The following HAO1 variants were observed in gnomAD, a reference collection of about 807,000 sequenced individuals.
HAO1 encodes the protein 2-Hydroxyacid oxidase 1.
A neutral mutation model predicts 39.7 loss-of-function variants in HAO1; 34 were observed. The observed-to-expected ratio is 0.86, with a 90% CI of 0.65 to 1.14. The LOEUF (loss-of-function observed/expected upper bound fraction) is 1.14. Ranked by LOEUF, HAO1 falls within the 50% of genes most tolerant of loss-of-function variation. The pLI is 0.00. For synonymous variants in HAO1, 172 were observed against 173.2 expected (o/e 0.99, Z 0.05); for missense variants, 479 against 464.5 (o/e 1.03, Z -0.29).
chr20:7,921,581 G>C (rs975637471), intron 2 of HAO1, among the ~76,000 whole-genome samples: 3 of 152,058 alleles, frequency 2.0e-5, no homozygotes, highest in African/African-American at 7.2e-5. Flanking sequence ...TCTACCATTC[G>C]ATCCAGCAAT....
At chr20:7,925,285 G>C (rs886189281) in intron 2 of HAO1, among the ~76,000 whole-genome samples, 2 of 152,110 alleles carry the variant, frequency 1.3e-5, no homozygotes, top group African/African-American at 4.8e-5. Flanking sequence ...TGCCAAGAAA[G>C]ACCAAGAAAC....
rs1445280529 is a variant in HAO1 at position 7,899,793 on chromosome 20, T to C, written c.722-4569A>G. Among the ~76,000 whole-genome samples the C allele has an allele frequency of 2.6e-5, 4 of 152,194 alleles. No individual in the cohort carries two copies. The East Asian group carries it at 5.8e-4, about 22-fold the overall frequency. Reference sequence around the variant, plus strand: ...ATGAAAGGGCCAAAATATTCCCACTTAGCAAAATGTTCATGAATCTTGGAT... The same window carrying C: ...ATGAAAGGGCCAAAATATTCCCACTCAGCAAAATGTTCATGAATCTTGGAT... On this transcript the variant is annotated intron_variant, in intron 4 of 7. Coordinates refer to ENST00000378789, the MANE Select transcript of HAO1 (RefSeq NM_017545.3).
At chr20:7,915,000 G>C (rs1600114856) in intron 2 of HAO1, among the ~76,000 whole-genome samples, 1 of 152,066 alleles carries the variant, frequency 6.6e-6, no homozygotes, top group Non-Finnish European at 1.5e-5. Context: ...GGCGCCTGTA[G>C]TCCCAGCTAC....
chr20:7,892,189 A>T (rs1415340715), intron 5 of HAO1, among the ~76,000 whole-genome samples: 1 of 152,028 alleles, frequency 6.6e-6, no homozygotes, highest in Non-Finnish European at 1.5e-5. Flanking sequence ...TGGTTCAAGC[A>T]ATTCTCCTGC....
At chr20:7,909,194 C>G (rs1283334690) in intron 3 of HAO1, among the ~76,000 whole-genome samples, 3 of 151,738 alleles carry the variant, frequency 2.0e-5, no homozygotes, top group East Asian at 3.9e-4. Context: ...TGTTGCCTTA[C>G]AGAAATTTCA....
intron 2 of HAO1, among the ~76,000 whole-genome samples, chr20:7,922,602 A>G (rs1360071634): frequency 6.6e-6 from 1 of 152,088 alleles, no homozygotes; most frequent in Admixed American, 6.6e-5. Context: ...CAAGGTACAC[A>G]TTACTTTGGA....
At chr20:7,933,778 C>T (rs913755553) in intron 2 of HAO1, among the ~76,000 whole-genome samples, 9 of 152,172 alleles carry the variant, frequency 5.9e-5, no homozygotes, top group African/African-American at 2.2e-4. Context: ...TTACTCTGCA[C>T]AGCCTTTCAA....
chr20:7,934,500 C>T lies in HAO1; in HGVS notation c.273G>A (p.Glu91=). 1 of 1,610,420 alleles carries T rather than the reference C, an allele frequency of 6.2e-7. No homozygotes were observed. Among genetic ancestry groups the T allele is most frequent in the Non-Finnish European group, 8.5e-7 (1 of 1,178,806 alleles). ...AMQRMAHVDG[E]LATVRACQSL... ...TCCTCCTACCTCTCACAGTGGCAAG[C>T]TCGCCGTCCACATGAGCCATGCGCT... is the stretch of plus-strand genomic sequence containing the variant. Residue 91 remains glutamate, a synonymous_variant, in exon 2 of 8, where the codon GAG becomes GAA. Transcript: ENST00000378789.
At chr20:7,914,992 C>A (rs924722145) in intron 2 of HAO1, among the ~76,000 whole-genome samples, 1 of 152,022 alleles carries the variant, frequency 6.6e-6, no homozygotes, top group Admixed American at 6.6e-5. Flanking sequence ...TGGTCATGGG[C>A]GCCTGTAGTC....
chr20:7,934,385 G>A, intron 2 of HAO1, 99 bp downstream of exon 2: 5 of 848,728 alleles, frequency 5.9e-6, no homozygotes, highest in Non-Finnish European at 9.0e-6. Context: ...GTTTCTGAGT[G>A]TAAAAACATC....
chr20:7,918,562 A>G (rs2050317285), intron 2 of HAO1, among the ~76,000 whole-genome samples: 3 of 152,194 alleles, frequency 2.0e-5, no homozygotes, highest in African/African-American at 7.2e-5. Flanking sequence ...TTTCTCCCCA[A>G]GGAATCCCCA....
intron 1 of HAO1, 72 bp from the exon 2 acceptor site, chr20:7,934,707 A>G (rs552020343): frequency 1.1e-6 from 1 of 892,620 alleles, no homozygotes; most frequent in South Asian, 2.6e-5. Context: ...TTGACATTAC[A>G]TTTTAGTTAA....
chr20:7,883,552 G>A lies in HAO1; in HGVS notation c.*41C>T. The A allele has an allele frequency of 6.8e-7, 1 of 1,465,292 alleles. No homozygotes were observed. Among genetic ancestry groups the A allele is most frequent in the Non-Finnish European group, 9.6e-7 (1 of 1,044,186 alleles). 90.8% of individuals were successfully genotyped at this position (1,465,292 alleles called of 1,614,324 possible). On this transcript the variant is annotated 3_prime_UTR_variant, in exon 8 of 8. Transcript: ENST00000378789. ...AGTGTCTCTTTGTCAAGTAATACAT[G>A]CTGAAAAAAAATAATACAGATGGGA...
rs141825451 is a variant in HAO1 at position 7,914,080 on chromosome 20, G to A, written c.545+84C>T. On this transcript the variant is annotated intron_variant, in intron 3 of 7. Coordinates refer to ENST00000378789, the MANE Select transcript of HAO1 (RefSeq NM_017545.3). ...GAAGATTAACTAGATGTTTAGCAAC[G>A]TTGCTATCAGTAGAACCCAGACCCT... is the stretch of plus-strand genomic sequence containing the variant. 10,263 of 1,435,082 alleles carry A rather than the reference G, an allele frequency of 7.2e-3. 46 individuals are homozygous for A. Among genetic ancestry groups the A allele is most frequent in the Non-Finnish European group, 8.0e-3 (8,279 of 1,030,460 alleles). The allele number at this position is 1,435,082 out of a possible 1,614,324, so 88.9% of individuals were successfully genotyped here. A position where few individuals can be genotyped will look rare whatever the true frequency, so the allele number is the denominator to read the frequency against.
chr20:7,915,743 T>C (rs975263868), intron 2 of HAO1, among the ~76,000 whole-genome samples: 3 of 151,986 alleles, frequency 2.0e-5, no homozygotes, highest in African/African-American at 7.3e-5. Flanking sequence ...CATAGAAAAA[T>C]GTTTATGATA....
At chr20:7,886,574 A>G (rs2050152178) in intron 5 of HAO1, among the ~76,000 whole-genome samples, 1 of 152,236 alleles carries the variant, frequency 6.6e-6, no homozygotes, top group South Asian at 2.1e-4. Context: ...ATGCAAACAC[A>G]ACTAATAATA....
intron 2 of HAO1, among the ~76,000 whole-genome samples, chr20:7,924,620 A>G (rs531099519): frequency 3.9e-5 from 6 of 152,274 alleles, no homozygotes; most frequent in Admixed American, 6.6e-5. Context: ...GGGACTAATC[A>G]TATACCTAGA....
intron 4 of HAO1, among the ~76,000 whole-genome samples, chr20:7,903,797 T>C (rs1228415090): frequency 7.0e-6 from 1 of 143,262 alleles, no homozygotes; most frequent in Non-Finnish European, 1.5e-5. Context: ...GTGATGGTGA[T>C]AGCAGTGGTG....
intron 5 of HAO1, 34 bp from the exon 6 acceptor site, chr20:7,885,898 T>C (rs749695085): frequency 3.2e-6 from 5 of 1,577,728 alleles, no homozygotes; most frequent in Non-Finnish European, 4.4e-6. Flanking sequence ...TGTGACTCTA[T>C]TAACACTGAA....
Sources: gnomAD v4.1 joint callset for allele counts (sites outside exome capture counted in the v4.1 genomes callset) on GRCh38, gnomAD v4.1.1 for gene constraint, MANE v1.5 for transcripts, NCBI Gene and HGNC (gene_info 2026-07-23, HGNC 2026-07-21) for gene names.